The following ITPR1 variants were observed in gnomAD, a reference collection of about 807,000 sequenced individuals.
ITPR1 encodes inositol 1,4,5-trisphosphate receptor type 1.
A neutral mutation model predicts 318.4 loss-of-function variants in ITPR1; 96 were observed. The observed-to-expected ratio is 0.30, with a 90% CI of 0.26 to 0.36. The LOEUF is 0.36. Ranked by LOEUF, ITPR1 falls within the 10% of genes least tolerant of loss-of-function variation. The pLI is 1.00. For missense variants in ITPR1, 2,440 were observed against 3,460.2 expected, an observed-to-expected ratio of 0.71 and a Z score of 7.40; for synonymous variants, 1,312 against 1,289.9, an observed-to-expected ratio of 1.02 and a Z score of -0.37.
Position 4,685,147 on chromosome 3 carries a change from C to T in ITPR1, c.3643C>T (p.Leu1215Phe), listed in dbSNP as rs1403208725. The change falls in exon 30 of 62, where the codon CTC (leucine) becomes TTC (phenylalanine). Residue 1215 changes from leucine to phenylalanine, a missense_variant. Around this residue, in one of 23 missense-constraint regions of ITPR1, gnomAD observed 222 missense variants for 318.8 expected, o/e 0.70. Transcript: ENST00000649015. ...GAGCAGGAAGCAGCAACAGCGTCTG[C>T]TCCGGAACATGGGCGCGCACGCCGT... Reference protein sequence around the residue: ...RKSRKQQQRLLRNMGAHAVVL... With the variant: ...RKSRKQQQRLFRNMGAHAVVL... 6.2e-7 allele frequency: 1 copy of T among 1,610,058 alleles called. No individual in the cohort carries two copies.
chr3:4,497,875 A>C (rs1248658355), intron 2 of ITPR1, among the ~76,000 whole-genome samples: 1 of 152,216 alleles, frequency 6.6e-6, no homozygotes, highest in East Asian at 1.9e-4. Context: ...TCAGCCTTAA[A>C]AAGGGAATTC....
At chr3:4,735,478 A>G in intron 44 of ITPR1, 124 bp downstream of exon 44, 1 of 747,666 alleles carries the variant, frequency 1.3e-6, no homozygotes, top group Non-Finnish European at 2.2e-6. Flanking sequence ...TGAGGGCACA[A>G]AATTCTGTTT....
chr3:4,603,642 A>C (rs1052561112), intron 4 of ITPR1, among the ~76,000 whole-genome samples: 31 of 152,186 alleles, frequency 2.0e-4, no homozygotes, highest in Admixed American at 1.4e-3. Context: ...GTTGGACAGG[A>C]TGGTCTTGAT....
At chr3:4,663,529 T>A (rs1022150536) in intron 16 of ITPR1, among the ~76,000 whole-genome samples, 3 of 152,188 alleles carry the variant, frequency 2.0e-5, no homozygotes, top group African/African-American at 7.2e-5. Context: ...TCAGCAAGAT[T>A]GTGCAAAAAG....
intron 60 of ITPR1, among the ~76,000 whole-genome samples, chr3:4,824,435 A>G (rs544777667): frequency 6.6e-6 from 1 of 152,170 alleles, no homozygotes; most frequent in Non-Finnish European, 1.5e-5. Flanking sequence ...ACTGAAATCC[A>G]GAGCTGCTGA....
intron 48 of ITPR1, among the ~76,000 whole-genome samples, chr3:4,778,042 G>T (rs911053316): frequency 3.3e-5 from 5 of 152,186 alleles, no homozygotes; most frequent in African/African-American, 1.2e-4. Flanking sequence ...CAGCTTAACG[G>T]AATGAAAATC....
chr3:4,828,405 G>T (rs76060047), intron 60 of ITPR1, among the ~76,000 whole-genome samples: 2,537 of 152,328 alleles, frequency 0.017, 71 homozygotes, highest in African/African-American at 0.058. Flanking sequence ...GGATGCTGAT[G>T]TGGGGAGAAG....
intron 48 of ITPR1, among the ~76,000 whole-genome samples, chr3:4,777,862 T>A (rs113064639): frequency 0.017 from 2,585 of 152,076 alleles, 39 homozygotes; most frequent in South Asian, 0.048. Flanking sequence ...CTTTTGTCAC[T>A]GATTTAGCAG....
At chr3:4,721,225 G>A (rs982188097) in intron 40 of ITPR1, among the ~76,000 whole-genome samples, 2 of 131,522 alleles carry the variant, frequency 1.5e-5, no homozygotes, top group Middle Eastern at 4.1e-3. Context: ...AGATTATTCC[G>A]TAATGACTGA....
chr3:4,561,855 G>C (rs978076678), intron 4 of ITPR1, among the ~76,000 whole-genome samples: 1 of 152,076 alleles, frequency 6.6e-6, no homozygotes, highest in African/African-American at 2.4e-5. Context: ...GTCACATTGA[G>C]GATTCAGAGC....
chr3:4,835,862 G>A (rs2050873371), intron 60 of ITPR1, among the ~76,000 whole-genome samples: 2 of 152,184 alleles, frequency 1.3e-5, no homozygotes. Flanking sequence ...ACAGGCATAA[G>A]CTATAGACAT....
At chr3:4,580,840 G>A (rs1198570880) in intron 4 of ITPR1, among the ~76,000 whole-genome samples, 5 of 151,452 alleles carry the variant, frequency 3.3e-5, no homozygotes, top group Non-Finnish European at 5.9e-5. Flanking sequence ...GGGCACATAG[G>A]GTGAGTGGCG....
At chr3:4,611,663 T>G (rs2092130453) in intron 4 of ITPR1, among the ~76,000 whole-genome samples, 1 of 152,098 alleles carries the variant, frequency 6.6e-6, no homozygotes, top group Admixed American at 6.6e-5. Flanking sequence ...GAGAGTCACC[T>G]GTTCAGAGGG....
chr3:4,635,108 G>A (rs1000211698), intron 5 of ITPR1, among the ~76,000 whole-genome samples: 20 of 152,158 alleles, frequency 1.3e-4, no homozygotes, highest in Admixed American at 3.9e-4. Flanking sequence ...TTTTAGATAA[G>A]CAGCCTCTAT....
intron 44 of ITPR1, among the ~76,000 whole-genome samples, chr3:4,762,896 T>A (rs1233200220): frequency 6.6e-6 from 1 of 152,232 alleles, no homozygotes; most frequent in Non-Finnish European, 1.5e-5. Flanking sequence ...TGCATATGTT[T>A]ATTGCAGCAC....
In ITPR1 at chr3:4,652,134, T is replaced by C; in HGVS notation, c.867T>C (p.His289=). The change falls in exon 11 of 62, where the codon CAT becomes CAC. Residue 289 remains histidine, a synonymous_variant. Transcript: ENST00000649015. ...KALWEVEVVQ[H]DPCRGGAGYW... is the part of the protein sequence containing the mutation. The stretch of plus-strand genomic sequence containing the variant: ...GATCATTCTTGCAGGTGGTCCAGCA[T>C]GACCCATGTCGGGGCGGAGCAGGGT... 1 of 1,612,160 alleles carries C rather than the reference T, an allele frequency of 6.2e-7. No individual in the cohort carries two copies. Among genetic ancestry groups the C allele is most frequent in the East Asian group, 2.2e-5 (1 of 44,840 alleles).
intron 4 of ITPR1, among the ~76,000 whole-genome samples, chr3:4,598,742 A>T (rs1479022482): frequency 6.6e-6 from 1 of 152,212 alleles, no homozygotes; most frequent in Non-Finnish European, 1.5e-5. Context: ...AATTGTCCCA[A>T]CTTTGTCCCA....
rs139888004 is a variant in ITPR1, at chr3:4,811,707, G to A, written c.7468+247G>A. Among the ~76,000 whole-genome samples the A allele has an allele frequency of 6.2e-3, 949 of 152,256 alleles. 12 individuals are homozygous for A. Among genetic ancestry groups the A allele is most frequent in the African/African-American group, 0.021 (890 of 41,546 alleles). On this transcript the variant is annotated intron_variant, in intron 56 of 61. Transcript: ENST00000649015. ...TTCACTAACATCATCTTTTAAACTA[G>A]TGCAACTTTTTTGTAAAGCAGTGAC...
At chr3:4,667,704 T>C (rs1467073326) in intron 18 of ITPR1, among the ~76,000 whole-genome samples, 155 bp downstream of exon 18, 8 of 152,162 alleles carry the variant, frequency 5.3e-5, no homozygotes, top group African/African-American at 1.9e-4. Context: ...GGCAAGAACT[T>C]GGTGTTAAAA....
Sources: allele counts gnomAD v4.1 joint callset (sites outside exome capture counted in the v4.1 genomes callset), GRCh38; gene constraint gnomAD v4.1.1; regional missense constraint gnomAD v4.1.1; transcripts MANE v1.5; gene names NCBI Gene and HGNC (gene_info 2026-07-23, HGNC 2026-07-21).